TMPRSS11F: variants seen among roughly 807,000 people sequenced by gnomAD.
TMPRSS11F encodes the protein transmembrane protease serine 11F.
A neutral mutation model predicts 60.2 loss-of-function variants in TMPRSS11F; 47 were observed. The observed-to-expected ratio is 0.78, with a 90% CI of 0.62 to 1.00. The LOEUF is 1.00. Among genes scored for constraint, TMPRSS11F ranks in the 50% least tolerant of loss-of-function variants. The pLI, the probability that TMPRSS11F is intolerant of heterozygous loss-of-function variation, is 0.00. For synonymous variants in TMPRSS11F, 166 were observed against 167.3 expected (o/e 0.99, Z 0.06); for missense variants, 519 against 522.9 (o/e 0.99, Z 0.07).
chr4:68,089,754 T>A (rs546484670), intron 3 of TMPRSS11F, among the ~76,000 whole-genome samples: 1 of 152,090 alleles, frequency 6.6e-6, no homozygotes, highest in Non-Finnish European at 1.5e-5. Context: ...AGAATGGGAA[T>A]GCTAAAGTTC....
At position 68,090,609 on chromosome 4, in the gene TMPRSS11F, T is replaced by C. The variant is rs755829365; in HGVS notation, c.196A>G (p.Lys66Glu). 6.2e-7 allele frequency: 1 copy of C among 1,601,572 alleles called. No individual in the cohort carries two copies. Among genetic ancestry groups the C allele is most frequent in the South Asian group, 1.1e-5 (1 of 90,346 alleles). The change falls in exon 3 of 10, where the codon AAA becomes GAA. Residue 66 changes from lysine (K) to glutamate (E), a missense_variant. By Grantham distance (56) the Lys-to-Glu change is moderately conservative (BLOSUM62 1). Coordinates refer to ENST00000356291, the MANE Select transcript of TMPRSS11F (RefSeq NM_207407.2). The part of the protein sequence containing the change: ...DKSFYYLASF[K>E]VTNIKYKENY... ...TCTTTATATTTGATATTTGTGACTT[T>C]AAAAGAGGCAAGGTAATAGAAAGAC...
At chr4:68,069,329 T>C (rs1723402475) in intron 6 of TMPRSS11F, among the ~76,000 whole-genome samples, 1 of 152,188 alleles carries the variant, frequency 6.6e-6, no homozygotes, top group South Asian at 2.1e-4. Context: ...AGAATCAATT[T>C]ATTGTGTTTG....
At position 68,080,781 on chromosome 4, in the gene TMPRSS11F, G is replaced by T. The variant is rs529743448; in HGVS notation, c.283-6772C>A. 2.6e-5 allele frequency: 4 copies of T among 152,060 alleles called. No individual in the cohort carries two copies. The South Asian group carries it at 8.3e-4, about 32-fold the overall frequency. The allele number at this position is 152,060 out of a possible 1,614,324, so 9.4% of individuals were successfully genotyped here. A position where few individuals can be genotyped will look rare whatever the true frequency, so the allele number is the denominator to read the frequency against. On this transcript the variant is annotated intron_variant, in intron 3 of 9. Transcript: ENST00000356291. Reference sequence around the variant, plus strand: ...TAAATTATTTAATCAAGATCCCCCAGTCATAAGTTCTGTGTTTTGGAATAT... The same window carrying T: ...TAAATTATTTAATCAAGATCCCCCATTCATAAGTTCTGTGTTTTGGAATAT...
At chr4:68,096,213 T>A (rs550275375) in intron 2 of TMPRSS11F, among the ~76,000 whole-genome samples, 11 of 152,132 alleles carry the variant, frequency 7.2e-5, no homozygotes, top group Non-Finnish European at 1.3e-4. Flanking sequence ...ATACGTACAA[T>A]GCTGTTATAC....
intron 3 of TMPRSS11F, chr4:68,080,672 C>A (rs1723680975): frequency 6.6e-6 from 1 of 152,208 alleles, no homozygotes; most frequent in Admixed American, 6.5e-5. Flanking sequence ...ATTTGTGAAA[C>A]TACATTTTTA....
At chr4:68,112,162 T>C (rs1316763616) in intron 1 of TMPRSS11F, among the ~76,000 whole-genome samples, 2 of 152,194 alleles carry the variant, frequency 1.3e-5, no homozygotes, top group Non-Finnish European at 1.5e-5. Context: ...ACCTTTTCAG[T>C]CAAGCATTTA....
intron 3 of TMPRSS11F, among the ~76,000 whole-genome samples, chr4:68,087,315 T>C (rs541659648): frequency 6.6e-6 from 1 of 152,248 alleles, no homozygotes; most frequent in Non-Finnish European, 1.5e-5. Flanking sequence ...CCAACATCCC[T>C]TCATGATAAA....
chr4:68,090,990 G>T (rs182871306), intron 2 of TMPRSS11F, among the ~76,000 whole-genome samples: 11 of 152,232 alleles, frequency 7.2e-5, no homozygotes, highest in Non-Finnish European at 1.5e-4. Context: ...TTGCTAACAG[G>T]TATATCAGAT....
chr4:68,072,327 G>T lies in TMPRSS11F; in HGVS notation c.510C>A (p.Leu170=). ...AAATAAAAATAAAAGACTTACGTGT[G>T]AGTCTAAATGATGGTTTGTTTATGG... ...SLTINKPSFR[L]TPIDSKKMRN... The change falls in exon 5 of 10, where the codon CTC becomes CTA. Residue 170 remains leucine (L), a synonymous_variant. Coordinates refer to ENST00000356291, the MANE Select transcript of TMPRSS11F (RefSeq NM_207407.2). 1 of 1,555,004 alleles carries T rather than the reference G, an allele frequency of 6.4e-7. No homozygotes were observed.
chr4:68,074,762 T>C (rs1179914370), intron 3 of TMPRSS11F, among the ~76,000 whole-genome samples: 1 of 152,224 alleles, frequency 6.6e-6, no homozygotes, highest in African/African-American at 2.4e-5. Flanking sequence ...TAAAGGGTTC[T>C]GATTCCAGCT....
rs778655886 is a variant in TMPRSS11F at position 68,072,389 on chromosome 4, A to T, written c.448T>A (p.Leu150Ile). 4.4e-6 allele frequency: 7 copies of T among 1,602,734 alleles called. No individual in the cohort carries two copies. The Admixed American group carries it at 1.2e-4, about 27-fold the overall frequency. ...TGTTTGGTCTTCAAACTTTGATATA[A>T]AGCCTTTTCAATTTTTTTCTTGATT... ...EQIKKKIEKALYQSLKTKQLS... is the reference protein window; with the variant it reads ...EQIKKKIEKAIYQSLKTKQLS... Residue 150 changes from leucine (L) to isoleucine (I), a missense_variant, in exon 5 of 10, where the codon TTA becomes ATA. Physicochemically the swap from Leu to Ile is conservative, Grantham distance 5. Transcript: ENST00000356291.
chr4:68,120,376 CTTTTTTTTTTTTTTTTT>C (rs34843345), intron 1 of TMPRSS11F, among the ~76,000 whole-genome samples: 7 of 123,782 alleles, frequency 5.7e-5, no homozygotes, highest in South Asian at 2.8e-4. Flanking sequence ...ACAGAGAAAT[CTTTTTTTTTTTTTTTTT>C]TTTTTTTTTT....
chr4:68,055,765 C>T (rs550626629), intron 9 of TMPRSS11F, among the ~76,000 whole-genome samples: 5 of 152,122 alleles, frequency 3.3e-5, no homozygotes, highest in African/African-American at 4.8e-5. Context: ...AAGGACACTT[C>T]AATATTCCTG....
intron 1 of TMPRSS11F, among the ~76,000 whole-genome samples, chr4:68,101,358 A>T (rs1724186140): frequency 6.6e-6 from 1 of 152,222 alleles, no homozygotes; most frequent in Non-Finnish European, 1.5e-5. Context: ...AATTGTGGAA[A>T]AAAGGTCATA....
chr4:68,091,787 CTATCTA>C (rs1723943390), intron 2 of TMPRSS11F, among the ~76,000 whole-genome samples: 43 of 71,436 alleles, frequency 6.0e-4, no homozygotes, highest in East Asian at 1.6e-3. Context: ...CTCTCTCTAT[CTATCTA>C]TCTATCTTTT....
chr4:68,079,270 G>T (rs1723646355), intron 3 of TMPRSS11F, among the ~76,000 whole-genome samples: 1 of 151,898 alleles, frequency 6.6e-6, no homozygotes, highest in African/African-American at 2.4e-5. Context: ...CACAGGAAGT[G>T]GTGGCTCTGT....
At chr4:68,074,556 C>T (rs1331975181) in intron 3 of TMPRSS11F, among the ~76,000 whole-genome samples, 1 of 152,178 alleles carries the variant, frequency 6.6e-6, no homozygotes, top group South Asian at 2.1e-4. Context: ...GACCATTTGA[C>T]ATGACTTGAA....
At chr4:68,063,016 T>G (rs760531426) in intron 8 of TMPRSS11F, 4 of 683,628 alleles carry the variant, frequency 5.9e-6, no homozygotes, top group Non-Finnish European at 1.1e-5. Flanking sequence ...AAGACATTTC[T>G]GACACGCTCA....
intron 1 of TMPRSS11F, among the ~76,000 whole-genome samples, chr4:68,124,944 C>CCTTTTT (rs1724687798): frequency 3.3e-5 from 1 of 30,702 alleles, no homozygotes; most frequent in Non-Finnish European, 7.5e-5. Context: ...TCTAAACCAG[C>CCTTTTT]ATTTTTTTTT....
Sources: allele counts gnomAD v4.1 joint callset (sites outside exome capture counted in the v4.1 genomes callset), GRCh38; gene constraint gnomAD v4.1.1; transcripts MANE v1.5; gene names NCBI Gene and HGNC (gene_info 2026-07-23, HGNC 2026-07-21).